The following DOK6 variants were observed in gnomAD, a reference collection of about 807,000 sequenced individuals.
DOK6 encodes the protein downstream of tyrosine kinase 6.
A neutral mutation model predicts 44.0 loss-of-function variants in DOK6; 22 were observed. The ratio of observed to expected loss-of-function variants is 0.50; its 90% CI spans 0.36 to 0.71. DOK6 has a LOEUF of 0.71. DOK6 is among the 30% of genes least tolerant of loss of function. The probability of loss-of-function intolerance (pLI) is 0.00; values close to 1 mark genes in which losing one functional copy is unlikely to be tolerated. For missense variants in DOK6, 340 were observed against 416.4 expected, an observed-to-expected ratio of 0.82 and a Z score of 1.60; for synonymous variants, 166 against 145.5, an observed-to-expected ratio of 1.14 and a Z score of -1.01.
chr18:69,466,835 A>T (rs970513385), intron 1 of DOK6, among the ~76,000 whole-genome samples: 1 of 151,988 alleles, frequency 6.6e-6, no homozygotes, highest in East Asian at 1.9e-4. Context: ...GAAAGGAAAG[A>T]AGGAGAGAAG....
chr18:69,686,300 T>C (rs967447615), intron 4 of DOK6, among the ~76,000 whole-genome samples: 2 of 152,280 alleles, frequency 1.3e-5, no homozygotes, highest in East Asian at 1.9e-4. Context: ...TGGCAAACTT[T>C]GTATATATAT....
chr18:69,837,461 G>T (rs768241286), intron 7 of DOK6, among the ~76,000 whole-genome samples: 2 of 151,546 alleles, frequency 1.3e-5, no homozygotes, highest in African/African-American at 2.4e-5. Context: ...GCCCAACACT[G>T]TTGCATTGAA....
chr18:69,554,809 AT>A (rs1473703064), intron 1 of DOK6, among the ~76,000 whole-genome samples: 1 of 151,782 alleles, frequency 6.6e-6, no homozygotes, highest in Non-Finnish European at 1.5e-5. Flanking sequence ...CAGTATTTTT[AT>A]TTTTTTCTCC....
chr18:69,441,777 T>C (rs1336105046), intron 1 of DOK6, among the ~76,000 whole-genome samples: 1 of 152,116 alleles, frequency 6.6e-6, no homozygotes, highest in Non-Finnish European at 1.5e-5. Flanking sequence ...AAAAGCACAA[T>C]AGGTGTTTTA....
intron 1 of DOK6, among the ~76,000 whole-genome samples, chr18:69,465,352 A>T (rs1317992543): frequency 1.3e-5 from 2 of 152,186 alleles, no homozygotes; most frequent in East Asian, 3.9e-4. Context: ...CATGTGCACA[A>T]TGTGCAGGTT....
rs530090330 is a variant in DOK6 at position 69,680,815 on chromosome 18, G to A, written c.409+2962G>A. Among the ~76,000 whole-genome samples the A allele has an allele frequency of 1.1e-4, 16 of 152,298 alleles. No individual in the cohort carries two copies. The South Asian group carries it at 3.3e-3, about 32-fold the overall frequency. ...ACCCTCCCACCCAGTCCTTGGAGTA[G>A]GTAGCTATTTCTTAGACAATATACT... On this transcript the variant is annotated intron_variant, in intron 4 of 7. Transcript: ENST00000382713.
chr18:69,770,218 T>C (rs1444205234), intron 7 of DOK6, among the ~76,000 whole-genome samples: 2 of 152,092 alleles, frequency 1.3e-5, no homozygotes, highest in Non-Finnish European at 2.9e-5. Flanking sequence ...GGGGCTATTA[T>C]TGTCCCCATT....
chr18:69,431,719 G>C lies in DOK6; in HGVS notation c.66+30409G>C, dbSNP rs1226835385. Among the ~76,000 whole-genome samples, 4 of 152,092 alleles carry C rather than the reference G, an allele frequency of 2.6e-5. No individual in the cohort carries two copies. The East Asian group carries it at 5.8e-4, about 22-fold the overall frequency. Reference sequence around the variant, plus strand: ...ATGATTTACAGATAATGCATAATTTGTTTAATTACTGCCTACTGTTGAAAT... The same window carrying C: ...ATGATTTACAGATAATGCATAATTTCTTTAATTACTGCCTACTGTTGAAAT... On this transcript the variant is annotated intron_variant, in intron 1 of 7. Transcript: ENST00000382713.
intron 2 of DOK6, among the ~76,000 whole-genome samples, chr18:69,567,889 T>G (rs1247660594): frequency 6.6e-6 from 1 of 152,218 alleles, no homozygotes; most frequent in African/African-American, 2.4e-5. Context: ...TCCACCTTTA[T>G]CTCAGCCGCT....
intron 1 of DOK6, among the ~76,000 whole-genome samples, chr18:69,530,912 G>A (rs1981967333): frequency 6.6e-6 from 1 of 152,040 alleles, no homozygotes; most frequent in Non-Finnish European, 1.5e-5. Flanking sequence ...TCTCTTTGTA[G>A]GTCTCTAAGG....
At chr18:69,781,831 T>C (rs1458670337) in intron 7 of DOK6, among the ~76,000 whole-genome samples, 2 of 152,178 alleles carry the variant, frequency 1.3e-5, no homozygotes, top group African/African-American at 4.8e-5. Flanking sequence ...TTCATCCAGA[T>C]GACTACCTTG....
At chr18:69,442,509 G>A (rs1979163647) in intron 1 of DOK6, among the ~76,000 whole-genome samples, 1 of 152,140 alleles carries the variant, frequency 6.6e-6, no homozygotes, top group Non-Finnish European at 1.5e-5. Context: ...CTCACTATCA[G>A]AGAACAGCAT....
intron 2 of DOK6, among the ~76,000 whole-genome samples, chr18:69,578,542 G>A (rs1321683704): frequency 6.6e-6 from 1 of 152,146 alleles, no homozygotes; most frequent in African/African-American, 2.4e-5. Context: ...ACACTGTTAT[G>A]ACATTATTTC....
chr18:69,809,506 T>G (rs1183397204), intron 7 of DOK6, among the ~76,000 whole-genome samples: 1 of 150,766 alleles, frequency 6.6e-6, no homozygotes, highest in East Asian at 1.9e-4. Flanking sequence ...AGTTAAATTG[T>G]CCCTATTTGC....
At chr18:69,605,773 C>T (rs901103256) in intron 3 of DOK6, among the ~76,000 whole-genome samples, 14 of 151,880 alleles carry the variant, frequency 9.2e-5, no homozygotes, top group Non-Finnish European at 7.4e-5. Context: ...AGAAACCTAC[C>T]GCTACATCAC....
chr18:69,509,662 A>AAAAC (rs1555708299), intron 1 of DOK6, among the ~76,000 whole-genome samples: 11 of 118,110 alleles, frequency 9.3e-5, no homozygotes, highest in African/African-American at 2.4e-4. Flanking sequence ...AAAAAAAAAA[A>AAAAC]ACACACAAGT....
At position 69,807,875 on chromosome 18, in the gene DOK6, T is replaced by C. The variant is rs112844315; in HGVS notation, c.857-33369T>C. Among the ~76,000 whole-genome samples, 164 of 151,882 alleles carry C rather than the reference T, an allele frequency of 1.1e-3. 1 individual carries two copies. Among genetic ancestry groups the C allele is most frequent in the African/African-American group, 3.8e-3 (159 of 41,522 alleles). On this transcript the variant is annotated intron_variant, in intron 7 of 7. Coordinates refer to ENST00000382713, the MANE Select transcript of DOK6 (RefSeq NM_152721.6). ...GACTGCAATATCTTACTTTTAGCAA[T>C]GGATAGATCATCCAGAGAAAAAAAA...
intron 7 of DOK6, among the ~76,000 whole-genome samples, chr18:69,780,168 T>C (rs950832293): frequency 1.3e-5 from 2 of 152,222 alleles, no homozygotes; most frequent in African/African-American, 2.4e-5. Context: ...TTCGGATTTT[T>C]CTTCGTATTT....
intron 5 of DOK6, 42 bp downstream of exon 5, chr18:69,698,635 TA>T: frequency 6.3e-7 from 1 of 1,587,336 alleles, no homozygotes; most frequent in South Asian, 1.2e-5. Context: ...GTTGTCTGTA[TA>T]ACAGAGTCTG....
Sources: gnomAD v4.1 joint callset for allele counts (sites outside exome capture counted in the v4.1 genomes callset) on GRCh38, gnomAD v4.1.1 for gene constraint, MANE v1.5 for transcripts, NCBI Gene and HGNC (gene_info 2026-07-23, HGNC 2026-07-21) for gene names.